Variants in PAAF1 observed in about 807,000 individuals in gnomAD.
The protein encoded by PAAF1 is proteasomal ATPase associated factor 1.
A neutral mutation model predicts 52.8 loss-of-function variants in PAAF1; 46 were observed. The ratio of observed to expected loss-of-function variants is 0.87; its 90% CI spans 0.69 to 1.11. PAAF1 has a LOEUF of 1.11. Ranked by LOEUF, PAAF1 falls within the 50% of genes most tolerant of loss-of-function variation. The pLI is 0.00. For synonymous variants in PAAF1, 178 were observed against 172.8 expected, an observed-to-expected ratio of 1.03 and a Z score of -0.24; for missense variants, 424 against 477.4, an observed-to-expected ratio of 0.89 and a Z score of 1.04.
chr11:73,889,060 T>C, intron 3 of PAAF1: 3 of 724,444 alleles, frequency 4.1e-6, no homozygotes, highest in South Asian at 3.3e-5. Context: ...TATGCTGGAA[T>C]TGAAACCCAG....
chr11:73,910,189 C>T (rs1949890115), intron 7 of PAAF1, among the ~76,000 whole-genome samples: 1 of 152,180 alleles, frequency 6.6e-6, no homozygotes, highest in South Asian at 2.1e-4. Flanking sequence ...TCCCTAATAG[C>T]TGGGACTACA....
chr11:73,893,083 T>A (rs541582381), intron 4 of PAAF1, among the ~76,000 whole-genome samples: 4 of 152,368 alleles, frequency 2.6e-5, no homozygotes, highest in Admixed American at 6.5e-5. Context: ...AACAGTTTTA[T>A]ATTACTGGAC....
intron 3 of PAAF1, chr11:73,889,210 A>G (rs1427261106): frequency 2.7e-6 from 4 of 1,490,146 alleles, no homozygotes; most frequent in South Asian, 1.3e-5. Flanking sequence ...CATGATTGCT[A>G]ATTTTTGCTG....
Position 73,884,307 on chromosome 11 carries a change from C to G in PAAF1, c.89-3047C>G, listed in dbSNP as rs145915332. On this transcript the variant is annotated intron_variant, in intron 2 of 11. Coordinates refer to ENST00000310571, the MANE Select transcript of PAAF1 (RefSeq NM_025155.3). Reference sequence around the variant, plus strand: ...TTGAGCCCAGCAGTTCGAGACCAGTCTGAGCAACATAGTGAGACTCTGTCT... The same window carrying G: ...TTGAGCCCAGCAGTTCGAGACCAGTGTGAGCAACATAGTGAGACTCTGTCT... Among the ~76,000 whole-genome samples the G allele has an allele frequency of 2.4e-3, 370 of 152,062 alleles. 2 individuals carry two copies. Among genetic ancestry groups the G allele is most frequent in the African/African-American group, 8.4e-3 (348 of 41,480 alleles).
chr11:73,907,244 T>C (rs1949786833), intron 6 of PAAF1, among the ~76,000 whole-genome samples: 1 of 152,140 alleles, frequency 6.6e-6, no homozygotes, highest in Non-Finnish European at 1.5e-5. Flanking sequence ...TAACACTCGA[T>C]CTTAATTCCA....
chr11:73,893,751 A>AG (rs1264529535), intron 4 of PAAF1, among the ~76,000 whole-genome samples: 2 of 145,868 alleles, frequency 1.4e-5, no homozygotes, highest in Non-Finnish European at 3.1e-5. Context: ...AAAAAAAAAA[A>AG]AAAAAAAAAA....
intron 2 of PAAF1, among the ~76,000 whole-genome samples, chr11:73,884,302 C>T (rs547397565): frequency 1.9e-4 from 29 of 152,060 alleles, no homozygotes; most frequent in African/African-American, 6.8e-4. Flanking sequence ...CAGTTCGAGA[C>T]CAGTCTGAGC....
intron 4 of PAAF1, among the ~76,000 whole-genome samples, chr11:73,898,856 A>G (rs1370301837): frequency 3.3e-5 from 5 of 152,180 alleles, no homozygotes; most frequent in Non-Finnish European, 5.9e-5. Flanking sequence ...CAACACATGG[A>G]AACTATGGAA....
chr11:73,887,238 T>C (rs557758423), intron 2 of PAAF1, 116 bp from the exon 3 acceptor site: 45 of 654,090 alleles, frequency 6.9e-5, no homozygotes, highest in Non-Finnish European at 9.6e-5. Context: ...CTGTTTTTCT[T>C]TCGTGGGCCA....
intron 7 of PAAF1, among the ~76,000 whole-genome samples, chr11:73,910,112 A>G (rs1949888040): frequency 6.6e-6 from 1 of 152,206 alleles, no homozygotes; most frequent in Admixed American, 6.5e-5. Context: ...TTTTAGCGAT[A>G]GAGTCCTGCT....
In PAAF1 at chr11:73,930,328, C is replaced by T. The variant is rs1950440011; in HGVS notation, c.*2966C>T. ...GAGCTTGCAGTAAGCTGAGATCGGG[C>T]CACAGCACTCCAGCCTGGGCGACAG... On this transcript the variant is annotated 3_prime_UTR_variant, in exon 12 of 12. Coordinates refer to ENST00000310571, the MANE Select transcript of PAAF1 (RefSeq NM_025155.3). 6.6e-6 allele frequency: 1 copy of T among 151,902 alleles called. No homozygotes were observed. The highest frequency in any genetic ancestry group is 6.6e-5 in the Admixed American group (1 of 15,230). 9.4% of individuals were successfully genotyped at this position (151,902 alleles called of 1,614,324 possible).
chr11:73,926,267 C>T (rs1020508377), intron 11 of PAAF1, among the ~76,000 whole-genome samples: 14 of 152,100 alleles, frequency 9.2e-5, no homozygotes, highest in Non-Finnish European at 1.5e-4. Flanking sequence ...CCACCACACC[C>T]GGCTAATTTT....
At position 73,928,461 on chromosome 11, in the gene PAAF1, A is replaced by C. The variant is rs566885468; in HGVS notation, c.*1099A>C. 1 of 152,228 alleles carries C rather than the reference A, an allele frequency of 6.6e-6. No individual in the cohort carries two copies. Among genetic ancestry groups the C allele is most frequent in the Non-Finnish European group, 1.5e-5 (1 of 68,038 alleles). 9.4% of individuals were successfully genotyped at this position (152,228 alleles called of 1,614,324 possible). ...TCACCTCCTTTTTTCTCTAAACATA[A>C]AAATGGAATCATAATGTATGTATTC... On this transcript the variant is annotated 3_prime_UTR_variant, in exon 12 of 12. Transcript: ENST00000310571.
At chr11:73,891,287 C>A in intron 4 of PAAF1, 86 bp downstream of exon 4, 2 of 732,902 alleles carry the variant, frequency 2.7e-6, no homozygotes, top group Non-Finnish European at 4.5e-6. Context: ...TAAACATATT[C>A]ATAATTAATA....
At chr11:73,896,983 C>T (rs1208508864) in intron 4 of PAAF1, among the ~76,000 whole-genome samples, 3 of 115,722 alleles carry the variant, frequency 2.6e-5, no homozygotes, top group Non-Finnish European at 3.9e-5. Flanking sequence ...GGGGGGCTGA[C>T]CCCCCCACCT....
chr11:73,924,004 T>TACACACAC lies in PAAF1; in HGVS notation c.1019-594_1019-587dup, dbSNP rs113973014. Among the ~76,000 whole-genome samples, 472 of 149,862 alleles carry TACACACAC rather than the reference T, an allele frequency of 3.1e-3. 5 individuals carry two copies. The highest frequency in any genetic ancestry group is 9.5e-3 in the African/African-American group (389 of 40,982). ...ATATAATCTAGGATAAGTTTATAAA[T>TACACACAC]ACACACACACACACACACACACACC... On this transcript the variant is annotated intron_variant, in intron 10 of 11. Transcript: ENST00000310571.
intron 7 of PAAF1, among the ~76,000 whole-genome samples, chr11:73,911,921 A>G (rs1375270538): frequency 2.6e-5 from 4 of 151,520 alleles, no homozygotes; most frequent in Admixed American, 2.6e-4. Context: ...GGTGTGAGCT[A>G]TGGGCCCCAG....
chr11:73,898,152 CAGAGGGAGACCGTGGAAAGAGAGGG>C (rs1226389224), intron 4 of PAAF1, among the ~76,000 whole-genome samples: 4 of 138,380 alleles, frequency 2.9e-5, no homozygotes, highest in Non-Finnish European at 3.0e-5. Flanking sequence ...AGCTGGGCAT[CAGAGGGAGACCGTGGAAAGAGAGGG>C]AGAGGGAGAC....
chr11:73,915,425 A>AT (rs1950038121), intron 8 of PAAF1, among the ~76,000 whole-genome samples: 1 of 152,102 alleles, frequency 6.6e-6, no homozygotes, highest in Non-Finnish European at 1.5e-5. Context: ...TGGGCAAAAA[A>AT]ACCCATCTCT....
Sources: gnomAD v4.1 joint callset for allele counts (sites outside exome capture counted in the v4.1 genomes callset) on GRCh38, gnomAD v4.1.1 for gene constraint, MANE v1.5 for transcripts, NCBI Gene and HGNC (gene_info 2026-07-23, HGNC 2026-07-21) for gene names.